FBLN7: variants seen among roughly 807,000 people sequenced by gnomAD.
FBLN7 encodes fibulin-7.
Under a neutral mutation model 44.0 loss-of-function variants are expected in FBLN7, and 31 were observed. That is an observed-to-expected ratio of 0.70 (90% CI 0.53 to 0.95). FBLN7 has a LOEUF of 0.95. Ranked by LOEUF, FBLN7 falls within the 40% of genes least tolerant of loss-of-function variation. The pLI is 0.00. For synonymous variants in FBLN7, 262 were observed against 253.4 expected (o/e 1.03, Z -0.32); for missense variants, 573 against 618.5 (o/e 0.93, Z 0.78).
chr2:112,222,988 C>T, the FBLN7 span, among the ~76,000 whole-genome samples: 4 of 151,864 alleles, frequency 2.6e-5, no homozygotes, highest in Admixed American at 6.6e-5. Context: ...TTCCTATTTT[C>T]TTTAGTGTTT....
chr2:112,149,790 C>G (rs1681064592), intron 1 of FBLN7, among the ~76,000 whole-genome samples: 1 of 152,220 alleles, frequency 6.6e-6, no homozygotes, highest in African/African-American at 2.4e-5. Context: ...CCAAACCCAT[C>G]CATTTGCACA....
At chr2:112,170,149 G>A (rs995426755) in intron 3 of FBLN7, among the ~76,000 whole-genome samples, 9 of 152,186 alleles carry the variant, frequency 5.9e-5, no homozygotes, top group Non-Finnish European at 1.3e-4. Context: ...GGCTGAGGCA[G>A]AAGAATCGCT....
At chr2:112,241,782 T>G in the FBLN7 span, among the ~76,000 whole-genome samples, 1 of 152,238 alleles carries the variant, frequency 6.6e-6, no homozygotes, top group Non-Finnish European at 1.5e-5. Context: ...GTCTTAATAT[T>G]CAGTGTATTA....
At chr2:112,224,768 C>G in the FBLN7 span, among the ~76,000 whole-genome samples, 1 of 152,148 alleles carries the variant, frequency 6.6e-6, no homozygotes, top group African/African-American at 2.4e-5. Context: ...ACAGGCAAAA[C>G]TAATCGATAC....
chr2:112,198,640 AAAG>A, the FBLN7 span, among the ~76,000 whole-genome samples: 43 of 16,262 alleles, frequency 2.6e-3, no homozygotes, highest in East Asian at 0.015. Flanking sequence ...TCTCAAAAAA[AAAG>A]AAAGAAAGAA....
chr2:112,192,686 A>G (rs986998003), downstream of FBLN7, among the ~76,000 whole-genome samples: 9 of 152,240 alleles, frequency 5.9e-5, no homozygotes, highest in African/African-American at 1.9e-4. Context: ...TCAAGGAGAG[A>G]GGAAGTCCCT....
the FBLN7 span, chr2:112,230,957 TAA>T: frequency 3.4e-6 from 4 of 1,172,970 alleles, no homozygotes; most frequent in East Asian, 3.9e-5. Flanking sequence ...AAACCTAATA[TAA>T]AAAAAAAATC....
the FBLN7 span, among the ~76,000 whole-genome samples, chr2:112,224,830 G>A: frequency 6.6e-6 from 1 of 152,304 alleles, no homozygotes; most frequent in Admixed American, 6.5e-5. Flanking sequence ...GGAGAAGAAT[G>A]AATTGTAGTA....
Position 112,175,819 on chromosome 2 carries a change from G to A in FBLN7, c.512G>A (p.Cys171Tyr). The change falls in exon 4 of 8, where the codon TGT (cysteine) becomes TAT (tyrosine). Residue 171 changes from cysteine (C) to tyrosine (Y), a missense_variant. Physicochemically the swap from Cys to Tyr is radical, Grantham distance 194. Coordinates refer to ENST00000331203, the MANE Select transcript of FBLN7 (RefSeq NM_153214.3). ...ICPPGRTGNR[C>Y]QHQAQTAAPE... The stretch of plus-strand genomic sequence containing the variant: ...CCTCCAGGAAGGACTGGGAACCGCT[G>A]TCAGCATCAGGCCCAGACTGGTATG... 1 of 1,614,182 alleles carries A rather than the reference G, an allele frequency of 6.2e-7. No individual in the cohort carries two copies. Among genetic ancestry groups the A allele is most frequent in the Non-Finnish European group, 8.5e-7 (1 of 1,180,010 alleles).
At chr2:112,141,931 C>A (rs1268412101) in intron 1 of FBLN7, among the ~76,000 whole-genome samples, 1 of 152,216 alleles carries the variant, frequency 6.6e-6, no homozygotes, top group African/African-American at 2.4e-5. Context: ...ATCCCTGTCC[C>A]GCCACATCCA....
At chr2:112,218,276 C>T in the FBLN7 span, among the ~76,000 whole-genome samples, 1 of 152,060 alleles carries the variant, frequency 6.6e-6, no homozygotes, top group African/African-American at 2.4e-5. Flanking sequence ...TGAACCTCAC[C>T]CCAAAGGCAG....
rs569733206 is a variant in FBLN7, at chr2:112,168,773, G to A, written c.406+3602G>A. Among the ~76,000 whole-genome samples the A allele has an allele frequency of 5.3e-5, 8 of 152,322 alleles. No individual in the cohort carries two copies. The South Asian group carries it at 1.7e-3, about 32-fold the overall frequency. On this transcript the variant is annotated intron_variant, in intron 3 of 7. Transcript: ENST00000331203. The stretch of plus-strand genomic sequence containing the variant: ...ACCACCAGTCGTGTGGTTGCCATGT[G>A]TTATGACCACAGAGTGGGGGTGGGG...
At position 112,159,748 on chromosome 2, in the gene FBLN7, C is replaced by T; in HGVS notation, c.148C>T (p.Arg50Cys). The change falls in exon 2 of 8, where the codon CGC becomes TGC. Residue 50 changes from arginine to cysteine, a missense_variant. Arg to Cys is a radical substitution (Grantham distance 180, BLOSUM62 -3). Coordinates refer to ENST00000331203, the MANE Select transcript of FBLN7 (RefSeq NM_153214.3). ...LQQLLKGQET[R>C]FAEGIRHMKS... ...GCAGCTGCTGAAGGGCCAGGAGACACGCTTCGCCGAGGGCATCCGCCACAT... is the reference window on the plus strand; with the variant it reads ...GCAGCTGCTGAAGGGCCAGGAGACATGCTTCGCCGAGGGCATCCGCCACAT... 1 of 1,605,478 alleles carries T rather than the reference C, an allele frequency of 6.2e-7. No individual in the cohort carries two copies.
chr2:112,238,341 T>C, the FBLN7 span: 1 of 1,613,770 alleles, frequency 6.2e-7, no homozygotes, highest in Non-Finnish European at 8.5e-7. Flanking sequence ...TACTCCTTCT[T>C]TCTTTGTAGA....
chr2:112,219,300 A>ATTG, the FBLN7 span, among the ~76,000 whole-genome samples: 326 of 152,322 alleles, frequency 2.1e-3, 2 homozygotes, highest in South Asian at 0.011. Context: ...ATGGTAAATA[A>ATTG]TTGACAAAAG....
chr2:112,226,208 T>A, the FBLN7 span, among the ~76,000 whole-genome samples: 1 of 151,492 alleles, frequency 6.6e-6, no homozygotes, highest in Non-Finnish European at 1.5e-5. Flanking sequence ...AAGATACAAA[T>A]TACCAAAGCT....
chr2:112,165,227 T>C (rs1385527564), intron 3 of FBLN7, 56 bp downstream of exon 3: 4 of 1,557,666 alleles, frequency 2.6e-6, no homozygotes, highest in Non-Finnish European at 3.5e-6. Flanking sequence ...ATAGCAAGGG[T>C]TTCTTGCATA....
chr2:112,188,005 T>C lies in FBLN7; in HGVS notation c.*499T>C, dbSNP rs1683356086. The C allele has an allele frequency of 6.1e-6, 1 of 165,144 alleles. No individual in the cohort carries two copies. Among genetic ancestry groups the C allele is most frequent in the African/African-American group, 2.4e-5 (1 of 41,816 alleles). The allele number at this position is 165,144 out of a possible 1,614,324, so 10.2% of individuals were successfully genotyped here. On this transcript the variant is annotated 3_prime_UTR_variant, in exon 8 of 8. Coordinates refer to ENST00000331203, the MANE Select transcript of FBLN7 (RefSeq NM_153214.3). ...CTCCCATGACCCAGCACGTTGTTCTTATCTGCCTTTTCCTCTGTGACATGC... is the reference window on the plus strand; with the variant it reads ...CTCCCATGACCCAGCACGTTGTTCTCATCTGCCTTTTCCTCTGTGACATGC...
At chr2:112,197,965 G>C in the FBLN7 span, among the ~76,000 whole-genome samples, 1 of 152,108 alleles carries the variant, frequency 6.6e-6, no homozygotes, top group Non-Finnish European at 1.5e-5. Flanking sequence ...GGCTCAATCA[G>C]CATATTTCAT....
Sources: gnomAD v4.1 joint callset for allele counts (sites outside exome capture counted in the v4.1 genomes callset) on GRCh38, gnomAD v4.1.1 for gene constraint, MANE v1.5 for transcripts, NCBI Gene and HGNC (gene_info 2026-07-23, HGNC 2026-07-21) for gene names.